NUP188: variants seen among roughly 807,000 people sequenced by gnomAD.
NUP188 encodes nucleoporin 188, also known as nucleoporin NUP188.
Under a neutral mutation model 223.0 loss-of-function variants are expected in NUP188, and 97 were observed. That is an observed-to-expected ratio of 0.43 (90% CI 0.37 to 0.51). The LOEUF (loss-of-function observed/expected upper bound fraction) is 0.51. NUP188 is among the 20% of genes least tolerant of loss of function. NUP188 has a pLI of 0.00. For synonymous variants in NUP188, 869 were observed against 828.0 expected, an observed-to-expected ratio of 1.05 and a Z score of -0.85; for missense variants, 1,947 against 2,175.6, an observed-to-expected ratio of 0.89 and a Z score of 2.09.
At chr9:128,987,088 A>AGAGTGTGTGTGTGTGTGTGT (rs1450678206) in intron 22 of NUP188, among the ~76,000 whole-genome samples, 1 of 113,262 alleles carries the variant, frequency 8.8e-6, no homozygotes, top group Non-Finnish European at 1.8e-5. Context: ...AGAGAGAGAG[A>AGAGTGTGTGTGTGTGTGTGT]GTGTGTGTGT....
intron 15 of NUP188, among the ~76,000 whole-genome samples, chr9:128,981,680 C>G (rs976304249): frequency 3.3e-5 from 5 of 152,172 alleles, no homozygotes; most frequent in Non-Finnish European, 4.4e-5. Context: ...ACTGACTTCT[C>G]CAGTCATCTA....
At chr9:128,997,415 A>G (rs965845919) in intron 30 of NUP188, among the ~76,000 whole-genome samples, 1 of 152,220 alleles carries the variant, frequency 6.6e-6, no homozygotes, top group Non-Finnish European at 1.5e-5. Context: ...AGAGTCTCAA[A>G]GAGGAGGTGA....
At chr9:128,971,703 C>T (rs986788453) in intron 11 of NUP188, among the ~76,000 whole-genome samples, 46 of 152,300 alleles carry the variant, frequency 3.0e-4, no homozygotes, top group African/African-American at 1.1e-3. Flanking sequence ...CAGGCGTGAG[C>T]CACCGTGCCC....
intron 8 of NUP188, among the ~76,000 whole-genome samples, chr9:128,964,468 C>G (rs907832250): frequency 1.3e-5 from 2 of 151,364 alleles, no homozygotes; most frequent in African/African-American, 2.4e-5. Context: ...CTCAAGTGAC[C>G]CTCCTGTCAC....
Position 128,995,019 on chromosome 9 carries a change from A to T in NUP188, c.3155+96A>T, listed in dbSNP as rs1230214115. The T allele has an allele frequency of 4.4e-6, 4 of 909,332 alleles. No homozygotes were observed. In the East Asian group the frequency reaches 9.6e-5, roughly 22 times the overall value. The allele number at this position is 909,332 out of a possible 1,614,324, so 56.3% of individuals were successfully genotyped here. ...TGCATGGCTGGAAGAGCCAAGGCAG[A>T]GGAGAGAACTGGTTTGGAACCATTC... On this transcript the variant is annotated intron_variant, in intron 29 of 43. Transcript: ENST00000372577.
Position 128,983,020 on chromosome 9 carries a change from G to A in NUP188, c.1788G>A (p.Leu596=). Residue 596 remains leucine (L), a synonymous_variant, in exon 17 of 44, where the codon CTG becomes CTA. Coordinates refer to ENST00000372577, the MANE Select transcript of NUP188 (RefSeq NM_015354.3). ...LLPITSRIYM[L]LQRLTTVISP... is the part of the protein sequence containing the mutation. ...CCATCACATCTCGCATCTACATGCT[G>A]CTGCAGCGGTGAGTCTGTCTTGGCT... The A allele has an allele frequency of 6.2e-7, 1 of 1,614,034 alleles. No homozygotes were observed. Among genetic ancestry groups the A allele is most frequent in the South Asian group, 1.1e-5 (1 of 91,080 alleles).
intron 12 of NUP188, 145 bp downstream of exon 12, chr9:128,973,394 T>A (rs1842129155): frequency 1.7e-6 from 1 of 603,742 alleles, no homozygotes; most frequent in Non-Finnish European, 2.9e-6. Context: ...CTTTTTTCTT[T>A]TTTTTTGAGA....
Position 128,999,609 on chromosome 9 carries a change from C to T in NUP188, c.3662-15C>T, listed in dbSNP as rs1842601779. The T allele has an allele frequency of 3.1e-6, 5 of 1,612,754 alleles. No homozygotes were observed. The East Asian group carries it at 1.1e-4, about 36-fold the overall frequency. ...CTGGTGAGCATGACAGTGTCCCTCCCTGTCTATTCTACAGTAAGTGACATC... is the reference window on the plus strand; with the variant it reads ...CTGGTGAGCATGACAGTGTCCCTCCTTGTCTATTCTACAGTAAGTGACATC... On this transcript the variant is annotated splice_polypyrimidine_tract_variant and intron_variant, in intron 33 of 43. Transcript: ENST00000372577.
intron 8 of NUP188, among the ~76,000 whole-genome samples, chr9:128,960,948 G>T (rs1841939570): frequency 6.6e-6 from 1 of 152,002 alleles, no homozygotes; most frequent in South Asian, 2.1e-4. Context: ...AGGCGAGTGT[G>T]GTGGCACCCA....
rs1842678398 is a variant in NUP188 at position 129,001,931 on chromosome 9, G to A, written c.4092G>A (p.Leu1364=). 2 of 1,614,046 alleles carry A rather than the reference G, an allele frequency of 1.2e-6. No individual in the cohort carries two copies. The highest frequency in any genetic ancestry group is 1.3e-5 in the African/African-American group (1 of 74,912). Residue 1364 remains leucine (L), a synonymous_variant, in exon 36 of 44, where the codon TTG becomes TTA. Coordinates refer to ENST00000372577, the MANE Select transcript of NUP188 (RefSeq NM_015354.3). ...CTGGCATCACCCAGAGCATTTGTTT[G>A]CCCCTTCTGAGTGTGTACCAGCTGA... ...AGAGITQSIC[L]PLLSVYQLST...
At chr9:128,984,722 A>G (rs1842308268) in intron 19 of NUP188, among the ~76,000 whole-genome samples, 178 bp from the exon 20 acceptor site, 1 of 152,186 alleles carries the variant, frequency 6.6e-6, no homozygotes, top group African/African-American at 2.4e-5. Context: ...TACATCAATA[A>G]AACATGTTCT....
chr9:128,997,109 T>C (rs1842540619), intron 30 of NUP188, among the ~76,000 whole-genome samples: 1 of 152,234 alleles, frequency 6.6e-6, no homozygotes, highest in Non-Finnish European at 1.5e-5. Flanking sequence ...GGTGGCCTTC[T>C]CTGAGTGGTG....
At chr9:128,990,930 G>A (rs1291574956) in intron 25 of NUP188, among the ~76,000 whole-genome samples, 1 of 151,932 alleles carries the variant, frequency 6.6e-6, no homozygotes, top group Non-Finnish European at 1.5e-5. Flanking sequence ...GAGGCAGAGA[G>A]TTGCTTGAAC....
At position 128,970,859 on chromosome 9, in the gene NUP188, A is replaced by G. The variant is rs1394474989; in HGVS notation, c.1014A>G (p.Thr338=). The stretch of plus-strand genomic sequence containing the variant: ...GTCACACTCTGAACCCAGAAGAGAC[A>G]AGCAGTGTGGTCCGGAAGATAGGTG... The part of the protein sequence containing the change: ...LLRHTLNPEE[T]SSVVRKIGGT... The change falls in exon 11 of 44, where the codon ACA becomes ACG. Residue 338 remains threonine (T), a synonymous_variant. Coordinates refer to ENST00000372577, the MANE Select transcript of NUP188 (RefSeq NM_015354.3). 2.5e-6 allele frequency: 4 copies of G among 1,614,026 alleles called. No homozygotes were observed. The highest frequency in any genetic ancestry group is 2.5e-6 in the Non-Finnish European group (3 of 1,180,032).
intron 3 of NUP188, among the ~76,000 whole-genome samples, chr9:128,953,443 G>A (rs1193369264): frequency 6.6e-6 from 1 of 152,126 alleles, no homozygotes; most frequent in East Asian, 1.9e-4. Context: ...ATTCTATTAT[G>A]CGTTATAGTC....
At chr9:128,957,760 G>A (rs1273362516) in intron 5 of NUP188, among the ~76,000 whole-genome samples, 1 of 152,106 alleles carries the variant, frequency 6.6e-6, no homozygotes, top group Non-Finnish European at 1.5e-5. Flanking sequence ...CACCGCACCC[G>A]GCCAGGATTT....
At chr9:128,989,415 GAT>G (rs1197568158) in intron 24 of NUP188, among the ~76,000 whole-genome samples, 2 of 152,082 alleles carry the variant, frequency 1.3e-5, no homozygotes, top group East Asian at 3.9e-4. Context: ...AAGAAAAAAA[GAT>G]AGGCTGGGTG....
intron 5 of NUP188, 59 bp downstream of exon 5, chr9:128,957,091 A>G (rs908710797): frequency 1.6e-6 from 2 of 1,238,794 alleles, no homozygotes; most frequent in Non-Finnish European, 2.3e-6. Flanking sequence ...TGTTGGTTTT[A>G]GATAATGTAG....
At chr9:128,984,572 A>G (rs1842306426) in intron 19 of NUP188, among the ~76,000 whole-genome samples, 1 of 152,092 alleles carries the variant, frequency 6.6e-6, no homozygotes, top group Non-Finnish European at 1.5e-5. Flanking sequence ...TTCTCATTTC[A>G]TGGGTTCTCG....
Sources: gnomAD v4.1 joint callset for allele counts (sites outside exome capture counted in the v4.1 genomes callset) on GRCh38, gnomAD v4.1.1 for gene constraint, MANE v1.5 for transcripts, NCBI Gene and HGNC (gene_info 2026-07-23, HGNC 2026-07-21) for gene names.